The following TRPC5 variants were observed in gnomAD, a reference collection of about 807,000 sequenced individuals.
TRPC5 encodes the protein transient receptor potential cation channel subfamily C member 5.
TRPC5 carries 9 observed loss-of-function variants against 56.5 expected under a neutral mutation model. The ratio of observed to expected loss-of-function variants is 0.16; its 90% CI spans 0.10 to 0.28. The LOEUF (loss-of-function observed/expected upper bound fraction) is 0.28. TRPC5 is among the 10% of genes least tolerant of loss of function. The pLI is 1.00. For missense variants in TRPC5, 469 were observed against 748.9 expected, an observed-to-expected ratio of 0.63 and a Z score of 4.36; for synonymous variants, 282 against 278.5, an observed-to-expected ratio of 1.01 and a Z score of -0.13.
At chrX:111,945,594 A>G (rs1341128671) in intron 2 of TRPC5, among the ~76,000 whole-genome samples, 1 of 111,816 alleles carries the variant, frequency 8.9e-6, no homozygotes, top group African/African-American at 3.2e-5. Context: ...CTTATTAAAA[A>G]TGAAAGTCTC....
intron 7 of TRPC5, among the ~76,000 whole-genome samples, chrX:111,796,493 T>C (rs989903845): frequency 8.9e-6 from 1 of 112,003 alleles, no homozygotes; most frequent in Non-Finnish European, 1.9e-5. Context: ...GGTTTTTTGT[T>C]GGTGTTTGTT....
intron 7 of TRPC5, among the ~76,000 whole-genome samples, chrX:111,814,295 T>C (rs1156731982): frequency 1.8e-5 from 2 of 110,159 alleles, no homozygotes; most frequent in Admixed American, 9.7e-5. Context: ...CCATGCAGTG[T>C]GGTCTATGGG....
chrX:111,926,213 C>T (rs765665961), intron 2 of TRPC5, among the ~76,000 whole-genome samples: 10 of 110,971 alleles, frequency 9.0e-5, no homozygotes, highest in African/African-American at 3.3e-4. Context: ...AACATACTCC[C>T]ATCAGTACAG....
chrX:111,868,916 C>T (rs1359648165), intron 3 of TRPC5, among the ~76,000 whole-genome samples: 1 of 111,264 alleles, frequency 9.0e-6, no homozygotes. Context: ...GAAGATAGTC[C>T]GGTTGTGTGT....
intron 2 of TRPC5, among the ~76,000 whole-genome samples, chrX:111,948,583 T>G (rs1311386484): frequency 3.7e-5 from 4 of 109,329 alleles, no homozygotes; most frequent in African/African-American, 1.3e-4. Flanking sequence ...ATACAAAAAA[T>G]TAGCCAGGCG....
chrX:111,848,214 T>C, intron 5 of TRPC5, among the ~76,000 whole-genome samples: 1 of 111,487 alleles, frequency 9.0e-6, no homozygotes, highest in Non-Finnish European at 1.9e-5. Flanking sequence ...GAACCAATAT[T>C]TATTGGGTTG....
intron 2 of TRPC5, among the ~76,000 whole-genome samples, chrX:111,929,097 G>A (rs1264094618): frequency 8.9e-6 from 1 of 112,153 alleles, no homozygotes; most frequent in Non-Finnish European, 1.9e-5. Flanking sequence ...AAAGATGGAT[G>A]AAAAGTTGCA....
rs1945840538 is a variant in TRPC5 at position 111,771,037 on chromosome X, C to G, written c.*5276G>C. ...AATGGTGAAAATGACCTTCACGTTG[C>G]AAGTCATTCTAACCTACTTCAGTTA... On this transcript the variant is annotated 3_prime_UTR_variant, in exon 11 of 11. Coordinates refer to ENST00000262839, the MANE Select transcript of TRPC5 (RefSeq NM_012471.3). Among the ~76,000 whole-genome samples the G allele has an allele frequency of 8.9e-6, 1 of 111,799 alleles. No individual in the cohort carries two copies. The highest frequency in any genetic ancestry group is 3.2e-5 in the African/African-American group (1 of 30,797).
intron 1 of TRPC5, among the ~76,000 whole-genome samples, chrX:112,068,889 A>G (rs574585015): frequency 1.8e-5 from 2 of 111,955 alleles, no homozygotes; most frequent in South Asian, 7.6e-4. Flanking sequence ...AAAGTATTGT[A>G]TACTTTTTAC....
Position 112,036,265 on chromosome X carries a change from T to A in TRPC5, c.-22+45614A>T, listed in dbSNP as rs139428949. Reference sequence around the variant, plus strand: ...GGTCTACTATTTGCCTCAACCATAATCTTTCACCCCAGTTGGGTACAGGAT... The same window carrying A: ...GGTCTACTATTTGCCTCAACCATAAACTTTCACCCCAGTTGGGTACAGGAT... On this transcript the variant is annotated intron_variant, in intron 1 of 10. Transcript: ENST00000262839. 2.7e-3 allele frequency among the ~76,000 whole-genome samples: 299 copies of A among 112,310 alleles called. 1 individual carries two copies. The highest frequency in any genetic ancestry group is 9.3e-3 in the African/African-American group (287 of 30,915).
intron 2 of TRPC5, among the ~76,000 whole-genome samples, chrX:111,925,985 A>G (rs932806723): frequency 2.7e-5 from 3 of 112,004 alleles, no homozygotes; most frequent in Non-Finnish European, 5.6e-5. Flanking sequence ...TGTATCCACT[A>G]GATGACAGTA....
intron 2 of TRPC5, among the ~76,000 whole-genome samples, chrX:111,945,265 T>C (rs1322144477): frequency 2.8e-5 from 3 of 108,701 alleles, no homozygotes; most frequent in Non-Finnish European, 5.7e-5. Flanking sequence ...GCAAGCATAC[T>C]AGACCAGAAA....
chrX:111,945,184 T>C (rs192430788), intron 2 of TRPC5, among the ~76,000 whole-genome samples: 276 of 109,175 alleles, frequency 2.5e-3, no homozygotes, highest in African/African-American at 9.0e-3. Context: ...CCTCTCTGAA[T>C]TGCGGTTGGA....
Position 111,854,120 on chromosome X carries a change from A to G in TRPC5, c.901-14T>C. ...CTGAGCAACAAACTGGGAAAAGAAG[A>G]AAACAAGTTAGGCATCTGGAATGTC... On this transcript the variant is annotated splice_polypyrimidine_tract_variant and intron_variant, in intron 3 of 10. Coordinates refer to ENST00000262839, the MANE Select transcript of TRPC5 (RefSeq NM_012471.3). The G allele has an allele frequency of 8.4e-7, 1 of 1,190,310 alleles. No individual in the cohort carries two copies. Among genetic ancestry groups the G allele is most frequent in the Non-Finnish European group, 1.1e-6 (1 of 883,254 alleles).
Position 111,774,339 on chromosome X carries a change from T to C in TRPC5, c.*1974A>G, listed in dbSNP as rs750507948. On this transcript the variant is annotated 3_prime_UTR_variant, in exon 11 of 11. Transcript: ENST00000262839. The stretch of plus-strand genomic sequence containing the variant: ...GTGCTGTTAATATGAGTTAGGAATG[T>C]AGCCCAGGTTCTATTATTATTCAAA... The C allele has an allele frequency of 5.4e-5, 6 of 111,968 alleles. No homozygotes were observed. Among genetic ancestry groups the C allele is most frequent in the Non-Finnish European group, 1.1e-4 (6 of 53,182 alleles). The allele number at this position is 111,968 out of a possible 1,213,427, so 9.2% of individuals were successfully genotyped here.
intron 3 of TRPC5, among the ~76,000 whole-genome samples, chrX:111,860,978 A>G (rs889781772): frequency 9.3e-6 from 1 of 107,331 alleles, no homozygotes; most frequent in Admixed American, 9.7e-5. Flanking sequence ...TTAGATTATC[A>G]TAAGTTGTTT....
chrX:111,826,757 C>T (rs1296723894), intron 7 of TRPC5, among the ~76,000 whole-genome samples: 3 of 112,015 alleles, frequency 2.7e-5, no homozygotes, highest in African/African-American at 6.5e-5. Context: ...TAAGAGATGG[C>T]TCTTGGGAGC....
chrX:111,955,079 T>C (rs1927195976), intron 1 of TRPC5, among the ~76,000 whole-genome samples: 6 of 111,845 alleles, frequency 5.4e-5, no homozygotes, highest in Admixed American at 4.8e-4. Flanking sequence ...GAGACAACAG[T>C]AAAATCATGG....
At chrX:111,919,507 A>G (rs1412551704) in intron 2 of TRPC5, among the ~76,000 whole-genome samples, 2 of 112,269 alleles carry the variant, frequency 1.8e-5, no homozygotes, top group Non-Finnish European at 3.8e-5. Flanking sequence ...TGAGACCATG[A>G]ACTCACCAGA....
Sources: gnomAD v4.1 joint callset for allele counts (sites outside exome capture counted in the v4.1 genomes callset) on GRCh38, gnomAD v4.1.1 for gene constraint, MANE v1.5 for transcripts, NCBI Gene and HGNC (gene_info 2026-07-23, HGNC 2026-07-21) for gene names.